Variants in PTCHD4 observed in about 807,000 individuals in gnomAD.
PTCHD4 encodes the protein patched domain containing 4.
A neutral mutation model predicts 58.1 loss-of-function variants in PTCHD4; 33 were observed. The observed-to-expected ratio is 0.57, with a 90% CI of 0.43 to 0.76. The LOEUF (loss-of-function observed/expected upper bound fraction) is 0.76, where lower values mean the gene tolerates loss of function less well. Among genes scored for constraint, PTCHD4 ranks in the 30% least tolerant of loss-of-function variants. PTCHD4 has a pLI of 0.00. For synonymous variants in PTCHD4, 478 were observed against 409.6 expected (o/e 1.17, Z -2.02); for missense variants, 1,058 against 1,027.1 (o/e 1.03, Z -0.41).
At chr6:47,968,517 C>T (rs1388609344) in intron 4 of PTCHD4, among the ~76,000 whole-genome samples, 1 of 152,136 alleles carries the variant, frequency 6.6e-6, no homozygotes, top group Non-Finnish European at 1.5e-5. Context: ...AAAAACAGAA[C>T]ATCTGCTAAG....
chr6:48,012,708 A>C (rs1367550608), intron 3 of PTCHD4, among the ~76,000 whole-genome samples: 1 of 152,154 alleles, frequency 6.6e-6, no homozygotes, highest in Non-Finnish European at 1.5e-5. Context: ...TTGGCTATGG[A>C]TCTGTCATAA....
chr6:47,989,976 C>T (rs79941789), intron 4 of PTCHD4, among the ~76,000 whole-genome samples: 1 of 152,124 alleles, frequency 6.6e-6, no homozygotes, highest in Admixed American at 6.5e-5. Flanking sequence ...GAGGGGGACT[C>T]TACCCTGCAA....
chr6:47,939,262 C>T (rs560525911), intron 4 of PTCHD4, among the ~76,000 whole-genome samples: 2 of 152,238 alleles, frequency 1.3e-5, no homozygotes, highest in South Asian at 2.1e-4. Flanking sequence ...ACTCAGATTA[C>T]TAAACCCTAC....
In PTCHD4 at chr6:47,986,482, G is replaced by A. The variant is rs541584639; in HGVS notation, c.898+22152C>T. ...TTTTAAGTAGCATATATATTCTCCAGCGTACAAATCCCAACATTCCCTATT... is the reference window on the plus strand; with the variant it reads ...TTTTAAGTAGCATATATATTCTCCAACGTACAAATCCCAACATTCCCTATT... On this transcript the variant is annotated intron_variant, in intron 4 of 4. Transcript: ENST00000339488. Among the ~76,000 whole-genome samples, 5 of 152,224 alleles carry A rather than the reference G, an allele frequency of 3.3e-5. No homozygotes were observed. The South Asian group carries it at 1.0e-3, about 32-fold the overall frequency.
Position 47,951,324 on chromosome 6 carries a change from G to A in PTCHD4, c.898+57310C>T, listed in dbSNP as rs1356679939. Among the ~76,000 whole-genome samples, 4 of 152,166 alleles carry A rather than the reference G, an allele frequency of 2.6e-5. No homozygotes were observed. In the East Asian group the frequency reaches 5.8e-4, roughly 22 times the overall value. On this transcript the variant is annotated intron_variant, in intron 4 of 4. Coordinates refer to ENST00000339488, the MANE Select transcript of PTCHD4 (RefSeq NM_001384253.1). ...AGGGGCATTGGGAGAAGTGGCTCCT[G>A]TATCCTCAGTGGGGTTTGATATCAG...
chr6:47,928,451 G>A (rs1470821236), intron 4 of PTCHD4, among the ~76,000 whole-genome samples: 6 of 152,142 alleles, frequency 3.9e-5, no homozygotes, highest in East Asian at 1.9e-4. Context: ...AAACTACTGA[G>A]GAAATAAAAT....
chr6:48,004,634 A>G (rs1762359493), intron 4 of PTCHD4, among the ~76,000 whole-genome samples: 1 of 152,158 alleles, frequency 6.6e-6, no homozygotes, highest in Non-Finnish European at 1.5e-5. Context: ...TTAAAAAATT[A>G]TGGCCCAGCA....
chr6:48,043,796 G>A (rs923021291), intron 3 of PTCHD4, among the ~76,000 whole-genome samples: 3 of 151,714 alleles, frequency 2.0e-5, no homozygotes, highest in African/African-American at 7.3e-5. Flanking sequence ...CTCCTGGAGG[G>A]GATAAAGCTT....
At chr6:47,983,510 T>C (rs567018679) in intron 4 of PTCHD4, among the ~76,000 whole-genome samples, 12 of 152,298 alleles carry the variant, frequency 7.9e-5, no homozygotes, top group African/African-American at 2.6e-4. Flanking sequence ...TTTAGGAAGG[T>C]ACATTTGGTA....
intron 3 of PTCHD4, among the ~76,000 whole-genome samples, chr6:48,060,502 G>T (rs572336534): frequency 6.6e-6 from 1 of 152,182 alleles, no homozygotes; most frequent in African/African-American, 2.4e-5. Context: ...TTTGAGACAG[G>T]GTTTCCTTCT....
chr6:47,970,805 A>C (rs1767479460), intron 4 of PTCHD4, among the ~76,000 whole-genome samples: 1 of 152,236 alleles, frequency 6.6e-6, no homozygotes, highest in Non-Finnish European at 1.5e-5. Context: ...CAGCAACACC[A>C]GTATCACCTG....
intron 4 of PTCHD4, among the ~76,000 whole-genome samples, chr6:47,885,767 C>CA (rs1764172221): frequency 6.6e-6 from 1 of 152,180 alleles, no homozygotes; most frequent in African/African-American, 2.4e-5. Flanking sequence ...TTGCATCTAA[C>CA]ATTGCTGTAG....
chr6:48,005,405 G>C (rs1371650126), intron 4 of PTCHD4, among the ~76,000 whole-genome samples: 2 of 152,130 alleles, frequency 1.3e-5, no homozygotes, highest in African/African-American at 4.8e-5. Context: ...TAGAAGAGTT[G>C]GGCTTCTTTC....
chr6:47,932,820 A>C (rs1312973614), intron 4 of PTCHD4, among the ~76,000 whole-genome samples: 3 of 152,216 alleles, frequency 2.0e-5, no homozygotes. Context: ...CCATTGGACA[A>C]ATTACTTCAT....
intron 4 of PTCHD4, among the ~76,000 whole-genome samples, chr6:47,952,254 T>A (rs565972412): frequency 1.3e-5 from 2 of 152,010 alleles, no homozygotes; most frequent in East Asian, 2.0e-4. Flanking sequence ...AAAGGAAGAA[T>A]TAATTGTCTC....
rs142694425 is a variant in PTCHD4, at chr6:47,894,699, C to T, written c.899-14763G>A. On this transcript the variant is annotated intron_variant, in intron 4 of 4. Coordinates refer to ENST00000339488, the MANE Select transcript of PTCHD4 (RefSeq NM_001384253.1). Reference sequence around the variant, plus strand: ...TTCTAAGATTCATTCTTGAAGCTATCAGTAGAAATGAAGTCAATCATGATA... The same window carrying T: ...TTCTAAGATTCATTCTTGAAGCTATTAGTAGAAATGAAGTCAATCATGATA... 1.5e-3 allele frequency among the ~76,000 whole-genome samples: 235 copies of T among 152,322 alleles called. 2 individuals carry two copies. Among genetic ancestry groups the T allele is most frequent in the African/African-American group, 5.5e-3 (230 of 41,576 alleles).
chr6:47,942,739 G>A (rs987629781), intron 4 of PTCHD4, among the ~76,000 whole-genome samples: 1 of 152,174 alleles, frequency 6.6e-6, no homozygotes. Flanking sequence ...GCTCAGTTTT[G>A]CAAAATGAGG....
intron 4 of PTCHD4, among the ~76,000 whole-genome samples, chr6:47,971,387 A>G (rs12199988): frequency 0.15 from 22,365 of 152,110 alleles, 1,890 homozygotes; most frequent in South Asian, 0.25. Flanking sequence ...CCAAATTGAA[A>G]TGGCCCACTG....
rs527677089 is a variant in PTCHD4 at position 47,856,833 on chromosome 6, G to A, written c.*21470C>T. Among the ~76,000 whole-genome samples, 91 of 151,996 alleles carry A rather than the reference G, an allele frequency of 6.0e-4. No individual in the cohort carries two copies. The highest frequency in any genetic ancestry group is 2.1e-3 in the African/African-American group (88 of 41,496). On this transcript the variant is annotated 3_prime_UTR_variant, in exon 5 of 5. Coordinates refer to ENST00000339488, the MANE Select transcript of PTCHD4 (RefSeq NM_001384253.1). The stretch of plus-strand genomic sequence containing the variant: ...TAACAGCATTCATCAGATTAATTTT[G>A]TTTTCACATGATTTTCTAATATAAA...
Sources: allele counts gnomAD v4.1 joint callset (sites outside exome capture counted in the v4.1 genomes callset), GRCh38; gene constraint gnomAD v4.1.1; transcripts MANE v1.5; gene names NCBI Gene and HGNC (gene_info 2026-07-23, HGNC 2026-07-21).